Variants in SOX5 observed in about 807,000 individuals in gnomAD.
SOX5 encodes SRY-box transcription factor 5.
Under a neutral mutation model 92.0 loss-of-function variants are expected in SOX5, and 9 were observed. That is an observed-to-expected ratio of 0.10 (90% confidence interval 0.06 to 0.17). SOX5 has a LOEUF of 0.17. Ranked by LOEUF, SOX5 falls within the 10% of genes least tolerant of loss-of-function variation. The pLI is 1.00. For missense variants in SOX5, 642 were observed against 944.5 expected (o/e 0.68, Z 4.20); for synonymous variants, 344 against 336.3 (o/e 1.02, Z -0.25).
chr12:24,026,907 T>C (rs540384161), intron 4 of SOX5, among the ~76,000 whole-genome samples: 2 of 152,094 alleles, frequency 1.3e-5, no homozygotes, highest in East Asian at 1.9e-4. Flanking sequence ...CAGCTGAGCC[T>C]TTAAAGGTTA....
At chr12:24,197,875 C>T (rs1957155638) in intron 4 of SOX5, among the ~76,000 whole-genome samples, 1 of 152,160 alleles carries the variant, frequency 6.6e-6, no homozygotes, top group South Asian at 2.1e-4. Flanking sequence ...GTGATAGGGA[C>T]TCACAGTTTG....
chr12:24,213,813 T>C (rs1958925675), intron 3 of SOX5, among the ~76,000 whole-genome samples: 1 of 152,108 alleles, frequency 6.6e-6, no homozygotes, highest in South Asian at 2.1e-4. Context: ...CATCATATGA[T>C]TAATTCAGCC....
At chr12:24,184,963 A>AGTT (rs1955868759) in intron 4 of SOX5, among the ~76,000 whole-genome samples, 1 of 152,148 alleles carries the variant, frequency 6.6e-6, no homozygotes, top group South Asian at 2.1e-4. Flanking sequence ...TCAGTTAGTC[A>AGTT]ATCAACAAGT....
chr12:24,262,948 G>A (rs910792839), intron 3 of SOX5, among the ~76,000 whole-genome samples: 12 of 152,156 alleles, frequency 7.9e-5, no homozygotes, highest in South Asian at 2.1e-4. Context: ...TGGGCTGCGC[G>A]CAGTGGCTCA....
rs1371560989 is a variant in SOX5 at position 23,707,308 on chromosome 12, G to A, written c.810+27376C>T. Among the ~76,000 whole-genome samples the A allele has an allele frequency of 3.3e-5, 5 of 152,110 alleles. No homozygotes were observed. In the East Asian group the frequency reaches 7.7e-4, roughly 23 times the overall value. On this transcript the variant is annotated intron_variant, in intron 6 of 14. Coordinates refer to ENST00000451604, the MANE Select transcript of SOX5 (RefSeq NM_006940.6). ...GTTAGCAGGTAGCAACATCAAGAGA[G>A]GCCTGGCATAGGATTGGATTTTTAA...
chr12:24,044,661 T>G (rs1956831032), intron 4 of SOX5, among the ~76,000 whole-genome samples: 1 of 152,200 alleles, frequency 6.6e-6, no homozygotes, highest in Non-Finnish European at 1.5e-5. Flanking sequence ...TATAAATTAG[T>G]GTTTGTCTTT....
intron 6 of SOX5, among the ~76,000 whole-genome samples, chr12:23,730,896 C>T (rs1008255612): frequency 1.3e-5 from 2 of 152,122 alleles, no homozygotes; most frequent in Admixed American, 6.5e-5. Context: ...TGAGGATTAC[C>T]TAGATACCTG....
chr12:23,822,566 T>G (rs1051129838), intron 3 of SOX5, among the ~76,000 whole-genome samples: 1 of 152,112 alleles, frequency 6.6e-6, no homozygotes, highest in African/African-American at 2.4e-5. Flanking sequence ...GAATAACTGC[T>G]ATGAAGTGCT....
intron 1 of SOX5, among the ~76,000 whole-genome samples, chr12:23,923,781 A>T (rs867572513): frequency 6.6e-6 from 1 of 152,070 alleles, no homozygotes; most frequent in South Asian, 2.1e-4. Flanking sequence ...GATCATGATT[A>T]CGTGATTTTA....
chr12:23,932,922 C>A (rs1019073265), intron 1 of SOX5, among the ~76,000 whole-genome samples: 1 of 151,542 alleles, frequency 6.6e-6, no homozygotes, highest in African/African-American at 2.4e-5. Context: ...TGGAAAAGAG[C>A]AGTATTTTTA....
At chr12:23,993,864 AATGTATGT>A (rs5797056) in intron 4 of SOX5, among the ~76,000 whole-genome samples, 4,541 of 146,488 alleles carry the variant, frequency 0.031, 84 homozygotes, top group Middle Eastern at 0.062. Flanking sequence ...CTCCCTATGA[AATGTATGT>A]ATGTATGTAT....
At chr12:23,755,216 C>T (rs1247436898) in intron 4 of SOX5, among the ~76,000 whole-genome samples, 2 of 151,796 alleles carry the variant, frequency 1.3e-5, no homozygotes, top group African/African-American at 2.4e-5. Flanking sequence ...ATTATGCTCT[C>T]CCCTTTCATC....
intron 2 of SOX5, among the ~76,000 whole-genome samples, chr12:24,314,532 A>C (rs1356717608): frequency 1.3e-5 from 2 of 149,826 alleles, no homozygotes; most frequent in African/African-American, 2.5e-5. Context: ...AAAAATTAAA[A>C]AATAAAAAAA....
chr12:23,958,653 A>G (rs1462319352), intron 4 of SOX5, among the ~76,000 whole-genome samples: 1 of 151,884 alleles, frequency 6.6e-6, no homozygotes, highest in East Asian at 1.9e-4. Flanking sequence ...GGTTTCTATA[A>G]GAAAGCCTAT....
At chr12:24,156,910 T>C (rs957339534) in intron 4 of SOX5, among the ~76,000 whole-genome samples, 1 of 152,074 alleles carries the variant, frequency 6.6e-6, no homozygotes, top group East Asian at 1.9e-4. Context: ...TTGAGAAGGG[T>C]GCATGCTATG....
chr12:24,316,991 A>T (rs1342028825), intron 2 of SOX5, among the ~76,000 whole-genome samples: 3 of 152,136 alleles, frequency 2.0e-5, no homozygotes, highest in Non-Finnish European at 2.9e-5. Flanking sequence ...ATAATCTCTA[A>T]TTCTAGGCAA....
At position 24,507,001 on chromosome 12, in the gene SOX5, A is replaced by G. The variant is rs112005343; in HGVS notation, c.-251+55328T>C. Reference sequence around the variant, plus strand: ...GAGACGGGGTTTCACCTTGTTAGCCAGGATGGTCTCGATTTCCTGACCTCG... The same window carrying G: ...GAGACGGGGTTTCACCTTGTTAGCCGGGATGGTCTCGATTTCCTGACCTCG... On this transcript the variant is annotated intron_variant, in intron 1 of 4. Transcript: ENST00000446891. Among the ~76,000 whole-genome samples the G allele has an allele frequency of 3.7e-3, 562 of 151,886 alleles. 4 individuals are homozygous for G. Among genetic ancestry groups the G allele is most frequent in the African/African-American group, 0.013 (533 of 41,416 alleles).
intron 1 of SOX5, among the ~76,000 whole-genome samples, chr12:23,907,396 C>T (rs1039672810): frequency 2.3e-4 from 35 of 152,048 alleles, no homozygotes; most frequent in African/African-American, 8.0e-4. Context: ...TGATCTGATG[C>T]TAACAACTTT....
chr12:23,812,518 T>C (rs1594701254), intron 3 of SOX5, among the ~76,000 whole-genome samples: 1 of 152,238 alleles, frequency 6.6e-6, no homozygotes, highest in East Asian at 1.9e-4. Flanking sequence ...GACAATCTGT[T>C]ATATGGTATT....
Sources: gnomAD v4.1 joint callset for allele counts (sites outside exome capture counted in the v4.1 genomes callset) on GRCh38, gnomAD v4.1.1 for gene constraint, MANE v1.5 for transcripts, NCBI Gene and HGNC (gene_info 2026-07-23, HGNC 2026-07-21) for gene names.